The following FAM13B variants were observed in gnomAD, a reference collection of about 807,000 sequenced individuals.
FAM13B encodes the protein protein FAM13B.
FAM13B carries 60 observed loss-of-function variants against 117.3 expected under a neutral mutation model. The observed-to-expected ratio is 0.51, with a 90% CI of 0.42 to 0.63. The LOEUF (loss-of-function observed/expected upper bound fraction) is 0.63. Among genes scored for constraint, FAM13B ranks in the 30% least tolerant of loss-of-function variants. FAM13B has a pLI of 0.00. For missense variants in FAM13B, 972 were observed against 1,091.9 expected, an observed-to-expected ratio of 0.89 and a Z score of 1.55; for synonymous variants, 332 against 356.1, an observed-to-expected ratio of 0.93 and a Z score of 0.76.
At chr5:138,051,299 T>G (rs1791792905) in intron 1 of FAM13B, among the ~76,000 whole-genome samples, 1 of 152,352 alleles carries the variant, frequency 6.6e-6, no homozygotes, top group South Asian at 2.1e-4. Flanking sequence ...TGTATACTCA[T>G]GTATATTTGT....
intron 10 of FAM13B, among the ~76,000 whole-genome samples, chr5:137,975,539 A>G (rs1027204488): frequency 5.4e-5 from 6 of 111,424 alleles, no homozygotes; most frequent in Non-Finnish European, 8.6e-5. Flanking sequence ...ATTTCTCCCC[A>G]CAGAGACTCC....
rs1257011484 is a variant in FAM13B at position 137,942,998 on chromosome 5, C to T, written c.2465G>A (p.Gly822Asp). 6.2e-7 allele frequency: 1 copy of T among 1,613,518 alleles called. No individual in the cohort carries two copies. ...CTGTACTGCAGTTTTCAACATATCA[C>T]CTAACTCAGAGGACAGATTAACACC... ...EDGVNLSSEL[G>D]DMLKTAVQVQ... The change falls in exon 22 of 24, where the codon GGT becomes GAT. Residue 822 changes from glycine (G) to aspartate (D), a missense_variant. By Grantham distance (94) the Gly-to-Asp change is moderately conservative (BLOSUM62 -1). Coordinates refer to ENST00000689681, the MANE Select transcript of FAM13B (RefSeq NM_001385994.1).
At chr5:138,026,686 T>C (rs1788485523) in intron 1 of FAM13B, among the ~76,000 whole-genome samples, 1 of 55,598 alleles carries the variant, frequency 1.8e-5, no homozygotes, top group African/African-American at 4.8e-5. Flanking sequence ...ACACCTGTAA[T>C]CCCAGCACTT....
intron 1 of FAM13B, among the ~76,000 whole-genome samples, chr5:138,046,591 A>T (rs961196896): frequency 2.6e-5 from 4 of 152,178 alleles, no homozygotes; most frequent in Admixed American, 1.3e-4. Flanking sequence ...AGGAAGTGTA[A>T]GTGGTAGTCT....
intron 10 of FAM13B, among the ~76,000 whole-genome samples, chr5:137,980,401 G>A (rs1775357585): frequency 6.7e-6 from 1 of 149,236 alleles, no homozygotes; most frequent in African/African-American, 2.5e-5. Flanking sequence ...GAAAGAATTA[G>A]TTCCTGCTCT....
chr5:138,021,295 T>C, intron 1 of FAM13B, 98 bp from the exon 2 acceptor site: 1 of 943,088 alleles, frequency 1.1e-6, no homozygotes, highest in Non-Finnish European at 1.4e-6. Context: ...AGAGGTTACC[T>C]ATATTGAAAG....
intron 18 of FAM13B, among the ~76,000 whole-genome samples, chr5:137,947,587 CTT>C (rs753491185): frequency 2.7e-5 from 4 of 145,660 alleles, no homozygotes; most frequent in Admixed American, 6.9e-5. Context: ...AAAAAAATTT[CTT>C]TTTTTTTTTT....
At chr5:137,941,887 T>C (rs944218351) in intron 23 of FAM13B, 57 bp downstream of exon 23, 3 of 1,350,052 alleles carry the variant, frequency 2.2e-6, no homozygotes, top group South Asian at 1.2e-5. Flanking sequence ...TTTCAACATA[T>C]GGTCAGTTTG....
At chr5:137,942,589 C>G in intron 22 of FAM13B, 1 of 344,100 alleles carries the variant, frequency 2.9e-6, no homozygotes, top group African/African-American at 2.2e-5. Context: ...TCTTGAACTC[C>G]TGGCCTCAAG....
chr5:137,976,206 C>T (rs948879310), intron 10 of FAM13B, among the ~76,000 whole-genome samples: 15 of 152,018 alleles, frequency 9.9e-5, no homozygotes, highest in Admixed American at 9.8e-4. Context: ...CCACCCACCT[C>T]GGCCTCCCAA....
At chr5:137,988,409 C>CA in intron 7 of FAM13B, 94 bp from the exon 8 acceptor site, 1 of 891,190 alleles carries the variant, frequency 1.1e-6, no homozygotes, top group Non-Finnish European at 1.7e-6. Context: ...TACCTTGACA[C>CA]AACCAGGAGA....
chr5:138,043,371 A>G (rs1168085372), intron 1 of FAM13B, among the ~76,000 whole-genome samples: 2 of 152,118 alleles, frequency 1.3e-5, no homozygotes, highest in African/African-American at 4.8e-5. Flanking sequence ...TCAAAAAATA[A>G]ATAATAAATA....
intron 14 of FAM13B, 151 bp from the exon 15 acceptor site, chr5:137,954,527 CAT>C (rs1561743668): frequency 5.5e-5 from 20 of 360,500 alleles, no homozygotes; most frequent in African/African-American, 8.7e-5. Flanking sequence ...CACACACATA[CAT>C]GTGTGTGTGT....
intron 1 of FAM13B, among the ~76,000 whole-genome samples, chr5:138,041,063 C>CAAAAAAAAAAAAA (rs5871662): frequency 1.4e-5 from 1 of 70,474 alleles, no homozygotes; most frequent in Non-Finnish European, 2.8e-5. Context: ...GACTCCATCT[C>CAAAAAAAAAAAAA]AAAAAAAAAA....
chr5:137,993,751 C>T (rs913135780), intron 7 of FAM13B, among the ~76,000 whole-genome samples: 2 of 152,042 alleles, frequency 1.3e-5, no homozygotes, highest in Non-Finnish European at 2.9e-5. Flanking sequence ...CCCACGACTG[C>T]ACTCCAGCCT....
intron 2 of FAM13B, 136 bp from the exon 3 acceptor site, chr5:138,019,282 G>GTGTT: frequency 4.3e-6 from 3 of 691,564 alleles, no homozygotes; most frequent in Non-Finnish European, 7.0e-6. Flanking sequence ...GGCCCATAGT[G>GTGTT]TGTTCTACAG....
intron 7 of FAM13B, among the ~76,000 whole-genome samples, chr5:138,000,366 TCCAG>T (rs1780917414): frequency 6.6e-6 from 1 of 152,066 alleles, no homozygotes; most frequent in South Asian, 2.1e-4. Context: ...GCCACTGCAC[TCCAG>T]CCTGGGTGAC....
upstream of FAM13B, among the ~76,000 whole-genome samples, chr5:138,034,527 CT>C (rs1270374975): frequency 6.6e-5 from 10 of 152,334 alleles, no homozygotes; most frequent in East Asian, 1.9e-3. Flanking sequence ...ACTAGTTATA[CT>C]AGCTGTACAG....
At chr5:138,000,947 A>AC (rs1453086918) in intron 7 of FAM13B, among the ~76,000 whole-genome samples, 1 of 151,562 alleles carries the variant, frequency 6.6e-6, no homozygotes, top group African/African-American at 2.4e-5. Flanking sequence ...AAAAAACAAA[A>AC]AAAAAAAAAA....
Sources: allele counts gnomAD v4.1 joint callset (sites outside exome capture counted in the v4.1 genomes callset), GRCh38; gene constraint gnomAD v4.1.1; transcripts MANE v1.5; gene names NCBI Gene and HGNC (gene_info 2026-07-23, HGNC 2026-07-21).